Variants in DSCAML1 observed in about 807,000 individuals in gnomAD.
The protein encoded by DSCAML1 is cell adhesion molecule DSCAML1.
A neutral mutation model predicts 200.5 loss-of-function variants in DSCAML1; 38 were observed. That is an observed-to-expected ratio of 0.19 (90% CI 0.15 to 0.25). DSCAML1 has a LOEUF of 0.25. DSCAML1 is among the 10% of genes least tolerant of loss of function. The pLI is 1.00. For missense variants in DSCAML1, 2,223 were observed against 2,858.8 expected (o/e 0.78, Z 5.07); for synonymous variants, 1,215 against 1,165.0 (o/e 1.04, Z -0.87).
Position 117,427,938 on chromosome 11 carries a change from C to T in DSCAML1, c.*390G>A, listed in dbSNP as rs1255238985. ...TTGGTCTTTGTCAAAACCACCTAGA[C>T]TGGGGGGAAGGTGAGGAGGAGGGAA... On this transcript the variant is annotated 3_prime_UTR_variant, in exon 33 of 33. Transcript: ENST00000651296. 6.3e-6 allele frequency: 1 copy of T among 159,612 alleles called. No homozygotes were observed. Among genetic ancestry groups the T allele is most frequent in the Non-Finnish European group, 1.4e-5 (1 of 73,138 alleles). The allele number at this position is 159,612 out of a possible 1,614,324, so 9.9% of individuals were successfully genotyped here. A position where few individuals can be genotyped will look rare whatever the true frequency, so the allele number is the denominator to read the frequency against.
intron 3 of DSCAML1, among the ~76,000 whole-genome samples, chr11:117,723,709 A>G (rs2054076303): frequency 6.6e-6 from 1 of 152,114 alleles, no homozygotes; most frequent in African/African-American, 2.4e-5. Flanking sequence ...GAAAAGTAAA[A>G]TGACATTTGC....
At chr11:117,633,382 G>A (rs758606762) in intron 3 of DSCAML1, among the ~76,000 whole-genome samples, 9 of 152,214 alleles carry the variant, frequency 5.9e-5, no homozygotes, top group Non-Finnish European at 1.3e-4. Flanking sequence ...GGAGGGGACA[G>A]ACACGGCTAA....
At chr11:117,592,151 G>A (rs894320301) in intron 3 of DSCAML1, among the ~76,000 whole-genome samples, 4 of 152,250 alleles carry the variant, frequency 2.6e-5, no homozygotes, top group Middle Eastern at 3.4e-3. Context: ...AATGGGGCCC[G>A]CAGTAGTCAG....
chr11:117,429,819 T>A (rs2047747762), intron 32 of DSCAML1, among the ~76,000 whole-genome samples: 1 of 152,246 alleles, frequency 6.6e-6, no homozygotes, highest in South Asian at 2.1e-4. Flanking sequence ...GATTTTCTTA[T>A]TGAATCCTCA....
chr11:117,431,436 T>G (rs57154584), intron 31 of DSCAML1, 98 bp downstream of exon 31: 17 of 1,178,748 alleles, frequency 1.4e-5, no homozygotes, highest in Non-Finnish European at 1.7e-5. Context: ...TTGGGCCCCA[T>G]GAGCTGGTGG....
chr11:117,648,597 T>C (rs1324767528), intron 3 of DSCAML1, among the ~76,000 whole-genome samples: 1 of 152,166 alleles, frequency 6.6e-6, no homozygotes, highest in African/African-American at 2.4e-5. Context: ...CCTTTCATCA[T>C]GGGTCACAGA....
chr11:117,677,659 G>A (rs1220629221), intron 3 of DSCAML1, among the ~76,000 whole-genome samples: 1 of 152,202 alleles, frequency 6.6e-6, no homozygotes, highest in Non-Finnish European at 1.5e-5. Flanking sequence ...TAGACATCAT[G>A]CAGGGCAGAA....
chr11:117,439,231 C>G (rs1266300793), intron 23 of DSCAML1, 35 bp downstream of exon 23: 14 of 1,610,254 alleles, frequency 8.7e-6, no homozygotes, highest in Non-Finnish European at 1.2e-5. Flanking sequence ...CCATCCCTGT[C>G]CCCACCTGGG....
At position 117,508,835 on chromosome 11, in the gene DSCAML1, A is replaced by G. The variant is rs551621108; in HGVS notation, c.1784-3103T>C. Among the ~76,000 whole-genome samples the G allele has an allele frequency of 2.8e-3, 424 of 152,258 alleles. 4 individuals are homozygous for G. The highest frequency in any genetic ancestry group is 9.8e-3 in the African/African-American group (407 of 41,542). Reference sequence around the variant, plus strand: ...CCCGGGCACAGACGGCCAGAACACCATGTTTCCATTGAGGCCAGAGCCAGT... The same window carrying G: ...CCCGGGCACAGACGGCCAGAACACCGTGTTTCCATTGAGGCCAGAGCCAGT... On this transcript the variant is annotated intron_variant, in intron 8 of 32. Coordinates refer to ENST00000651296, the MANE Select transcript of DSCAML1 (RefSeq NM_020693.4).
At chr11:117,429,267 T>TG (rs1292046849) in intron 32 of DSCAML1, among the ~76,000 whole-genome samples, 1 of 152,218 alleles carries the variant, frequency 6.6e-6, no homozygotes, top group Non-Finnish European at 1.5e-5. Context: ...CTCCCCACCA[T>TG]GGAGCCTGGT....
intron 3 of DSCAML1, among the ~76,000 whole-genome samples, chr11:117,688,358 G>A (rs1330464002): frequency 2.0e-5 from 3 of 152,218 alleles, no homozygotes; most frequent in African/African-American, 7.2e-5. Flanking sequence ...TGTTCTCGGG[G>A]ATGGGCCCAG....
intron 8 of DSCAML1, among the ~76,000 whole-genome samples, chr11:117,507,064 A>T (rs1366210074): frequency 1.3e-5 from 2 of 151,184 alleles, no homozygotes; most frequent in Non-Finnish European, 3.0e-5. Flanking sequence ...AGTCGATGTG[A>T]GATGGATCCT....
At chr11:117,641,589 G>A (rs1041631984) in intron 3 of DSCAML1, among the ~76,000 whole-genome samples, 1 of 152,150 alleles carries the variant, frequency 6.6e-6, no homozygotes, top group Non-Finnish European at 1.5e-5. Flanking sequence ...GGAGGGACTC[G>A]GGCAGCATGG....
intron 1 of DSCAML1, among the ~76,000 whole-genome samples, chr11:117,811,836 C>T (rs930055918): frequency 6.6e-6 from 1 of 152,206 alleles, no homozygotes; most frequent in African/African-American, 2.4e-5. Context: ...AGTCCATCCC[C>T]TTCTTAATCA....
intron 3 of DSCAML1, among the ~76,000 whole-genome samples, chr11:117,773,559 A>ACACACACACACAG (rs781782478): frequency 4.0e-5 from 6 of 150,952 alleles, no homozygotes; most frequent in Non-Finnish European, 8.9e-5. Context: ...ACACACACAC[A>ACACACACACACAG]CACAGCACAG....
intron 3 of DSCAML1, among the ~76,000 whole-genome samples, chr11:117,595,693 AAG>A (rs1381046294): frequency 2.0e-5 from 3 of 152,132 alleles, no homozygotes; most frequent in African/African-American, 7.2e-5. Context: ...CACAGTCAGG[AAG>A]AGTTTATCAA....
Position 117,505,674 on chromosome 11 carries a change from G to A in DSCAML1, c.1842C>T (p.Tyr614=). ...CCCCCGAGGACACCACACAGGGAAT[G>A]TAGAGCAGCTGGCCGATGGAGGCGG... is the stretch of plus-strand genomic sequence containing the variant. ...FPPASIGQLL[Y]IPCVVSSGDM... The change falls in exon 9 of 33, where the codon TAC becomes TAT. Residue 614 remains tyrosine (Y), a synonymous_variant. Coordinates refer to ENST00000651296, the MANE Select transcript of DSCAML1 (RefSeq NM_020693.4). The surrounding 1 kb of genome is among the most constrained non-coding windows in gnomAD (Gnocchi z 6.7). 1 of 1,613,864 alleles carries A rather than the reference G, an allele frequency of 6.2e-7. No individual in the cohort carries two copies. The highest frequency in any genetic ancestry group is 8.5e-7 in the Non-Finnish European group (1 of 1,179,960).
chr11:117,580,945 G>T (rs941769447), intron 3 of DSCAML1, among the ~76,000 whole-genome samples: 1 of 152,192 alleles, frequency 6.6e-6, no homozygotes, highest in African/African-American at 2.4e-5. Context: ...AAGCTCTGAG[G>T]ATGGGACCCA....
At chr11:117,722,192 A>G (rs547025288) in intron 3 of DSCAML1, among the ~76,000 whole-genome samples, 1 of 152,196 alleles carries the variant, frequency 6.6e-6, no homozygotes, top group East Asian at 1.9e-4. Context: ...CTCTACAGGA[A>G]AAACTTGAGG....
Sources: gnomAD v4.1 joint callset for allele counts (sites outside exome capture counted in the v4.1 genomes callset) on GRCh38, gnomAD v4.1.1 for gene constraint, Gnocchi (gnomAD v3.1) non-coding constraint, MANE v1.5 for transcripts, NCBI Gene and HGNC (gene_info 2026-07-23, HGNC 2026-07-21) for gene names.